Variants in LRRC2 observed in about 807,000 individuals in gnomAD.
The protein encoded by LRRC2 is leucine-rich repeat-containing protein 2.
A neutral mutation model predicts 40.2 loss-of-function variants in LRRC2; 27 were observed. The ratio of observed to expected loss-of-function variants is 0.67; its 90% CI spans 0.49 to 0.93. The LOEUF (loss-of-function observed/expected upper bound fraction) is 0.93. Among genes scored for constraint, LRRC2 ranks in the 40% least tolerant of loss-of-function variants. The pLI is 0.00. For missense variants in LRRC2, 402 were observed against 439.6 expected (o/e 0.91, Z 0.76); for synonymous variants, 147 against 158.9 (o/e 0.92, Z 0.56).
intron 8 of LRRC2, among the ~76,000 whole-genome samples, chr3:46,521,307 G>A (rs186210411): frequency 6.6e-6 from 1 of 152,270 alleles, no homozygotes; most frequent in Admixed American, 6.5e-5. Context: ...AACAGTGGAT[G>A]ATTCATCAAG....
chr3:46,529,392 C>T (rs919513794), intron 6 of LRRC2, among the ~76,000 whole-genome samples: 1 of 151,978 alleles, frequency 6.6e-6, no homozygotes, highest in Admixed American at 6.6e-5. Flanking sequence ...GCCTGGGAAA[C>T]AAAGCAAGAC....
chr3:46,532,776 A>G lies in LRRC2; in HGVS notation c.624T>C (p.Phe208=), dbSNP rs1704184364. The change falls in exon 5 of 9, where the codon TTT becomes TTC. Residue 208 remains phenylalanine (F), a synonymous_variant. Coordinates refer to ENST00000395905, the MANE Select transcript of LRRC2 (RefSeq NM_024512.5). ...SGNLELMELP[F]ELSNLKQVTF... ...TACAGAAATGTTTATCTCTTACTTC[A>G]AAGGGCAGCTCCATTAATTCTAGAT... 6.2e-7 allele frequency: 1 copy of G among 1,612,712 alleles called. No homozygotes were observed. The highest frequency in any genetic ancestry group is 1.3e-5 in the African/African-American group (1 of 74,820).
At chr3:46,524,249 T>C (rs1327856019) in intron 7 of LRRC2, among the ~76,000 whole-genome samples, 1 of 152,154 alleles carries the variant, frequency 6.6e-6, no homozygotes, top group African/African-American at 2.4e-5. Context: ...GGGTGATCAC[T>C]CAAGCACAGG....
chr3:46,536,519 A>C (rs1182496119), intron 4 of LRRC2, among the ~76,000 whole-genome samples: 1 of 152,158 alleles, frequency 6.6e-6, no homozygotes, highest in African/African-American at 2.4e-5. Flanking sequence ...TCCCCCACGG[A>C]TACCCCTCAC....
At chr3:46,535,119 C>A (rs1044590492) in intron 4 of LRRC2, among the ~76,000 whole-genome samples, 1 of 152,158 alleles carries the variant, frequency 6.6e-6, no homozygotes, top group Admixed American at 6.5e-5. Flanking sequence ...TCAAAATACT[C>A]CATGTTAATA....
intron 2 of LRRC2, among the ~76,000 whole-genome samples, chr3:46,547,560 C>T (rs1042338877): frequency 1.3e-5 from 2 of 151,560 alleles, no homozygotes; most frequent in African/African-American, 4.8e-5. Flanking sequence ...GGAGGCTGAG[C>T]TAGGAAAACT....
intron 7 of LRRC2, among the ~76,000 whole-genome samples, chr3:46,525,089 T>G (rs1199346088): frequency 2.3e-4 from 33 of 145,640 alleles, no homozygotes; most frequent in African/African-American, 7.8e-4. Flanking sequence ...TTTTTTTCTT[T>G]TTTTTTTTTT....
intron 4 of LRRC2, among the ~76,000 whole-genome samples, chr3:46,537,050 A>C (rs1290837488): frequency 6.6e-6 from 1 of 152,122 alleles, no homozygotes; most frequent in Non-Finnish European, 1.5e-5. Flanking sequence ...GCAGGATGGC[A>C]AGGATCCCTG....
chr3:46,543,841 T>C (rs113428538), intron 3 of LRRC2, among the ~76,000 whole-genome samples: 36 of 152,064 alleles, frequency 2.4e-4, no homozygotes, highest in African/African-American at 8.4e-4. Flanking sequence ...AGGCAGCCCG[T>C]TACCTACTGA....
At chr3:46,557,872 T>C (rs913982668) in intron 1 of LRRC2, 2 of 152,140 alleles carry the variant, frequency 1.3e-5, no homozygotes, top group African/African-American at 4.8e-5. Flanking sequence ...GCCTTCAGAG[T>C]GTGTGGACCA....
chr3:46,529,364 C>T (rs2106990586), intron 6 of LRRC2, among the ~76,000 whole-genome samples: 1 of 152,024 alleles, frequency 6.6e-6, no homozygotes, highest in African/African-American at 2.4e-5. Flanking sequence ...ATTGCTTGTG[C>T]CCAGGAGTTT....
At position 46,519,083 on chromosome 3, in the gene LRRC2, G is replaced by A. The variant is rs761338530; in HGVS notation, c.1067-20C>T. ...CAGATTCTGTAACAGAAAGAAAAAA[G>A]TATGCTCAATCATTCACCATTTTAT... On this transcript the variant is annotated intron_variant, in intron 8 of 8. Coordinates refer to ENST00000395905, the MANE Select transcript of LRRC2 (RefSeq NM_024512.5). 7.0e-6 allele frequency: 11 copies of A among 1,576,748 alleles called. No homozygotes were observed. The highest frequency in any genetic ancestry group is 8.7e-6 in the Non-Finnish European group (10 of 1,146,598).
chr3:46,535,904 C>A (rs1412390333), intron 4 of LRRC2, among the ~76,000 whole-genome samples: 1 of 152,142 alleles, frequency 6.6e-6, no homozygotes, highest in African/African-American at 2.4e-5. Context: ...CACAACAACG[C>A]GGTGAACTAG....
chr3:46,529,532 T>C (rs532739923), intron 6 of LRRC2, among the ~76,000 whole-genome samples: 5 of 152,370 alleles, frequency 3.3e-5, no homozygotes, highest in African/African-American at 9.6e-5. Context: ...TAAATGAAAC[T>C]AATAAAATTT....
intron 5 of LRRC2, among the ~76,000 whole-genome samples, chr3:46,531,089 T>C (rs1229439583): frequency 6.6e-6 from 1 of 151,322 alleles, no homozygotes; most frequent in Non-Finnish European, 1.5e-5. Context: ...CAACGTAAAA[T>C]ATATGAAGTA....
At chr3:46,554,371 T>C (rs1385655980) in intron 1 of LRRC2, among the ~76,000 whole-genome samples, 1 of 151,828 alleles carries the variant, frequency 6.6e-6, no homozygotes, top group Admixed American at 6.6e-5. Flanking sequence ...GGAGGCCAGG[T>C]GCAGTGGCTC....
At chr3:46,543,662 C>T (rs1704454163) in intron 3 of LRRC2, among the ~76,000 whole-genome samples, 2 of 142,882 alleles carry the variant, frequency 1.4e-5, no homozygotes, top group Admixed American at 6.8e-5. Flanking sequence ...ATAATAAATA[C>T]CCTTTACAAT....
chr3:46,540,028 G>A (rs1298908850), intron 3 of LRRC2, among the ~76,000 whole-genome samples: 1 of 152,252 alleles, frequency 6.6e-6, no homozygotes, highest in Non-Finnish European at 1.5e-5. Flanking sequence ...TGGAGCACAG[G>A]GTGGAGGTGG....
chr3:46,551,751 CTTTTTTT>C (rs748541390), intron 1 of LRRC2, 141 bp from the exon 2 acceptor site: 25,773 of 139,126 alleles, frequency 0.19, 1,058 homozygotes, highest in Middle Eastern at 0.25. Flanking sequence ...TGACAGTTTG[CTTTTTTT>C]TTTTTTTTTT....
Sources: gnomAD v4.1 joint callset for allele counts (sites outside exome capture counted in the v4.1 genomes callset) on GRCh38, gnomAD v4.1.1 for gene constraint, MANE v1.5 for transcripts, NCBI Gene and HGNC (gene_info 2026-07-23, HGNC 2026-07-21) for gene names.